Variants in USP9X observed in about 807,000 individuals in gnomAD.
USP9X encodes the protein ubiquitin specific peptidase 9 X-linked, also known as ubiquitin carboxyl-terminal hydrolase 9X.
Under a neutral mutation model 190.3 loss-of-function variants are expected in USP9X, and 7 were observed. The observed-to-expected ratio is 0.04, with a 90% confidence interval of 0.02 to 0.07. The LOEUF (loss-of-function observed/expected upper bound fraction) is 0.07. Ranked by LOEUF, USP9X falls within the 10% of genes least tolerant of loss-of-function variation. USP9X has a pLI of 1.00. For missense variants in USP9X, 1,010 were observed against 1,916.9 expected (o/e 0.53, Z 8.83); for synonymous variants, 645 against 659.5 (o/e 0.98, Z 0.34).
chrX:41,129,735 T>C (rs1345392171), intron 3 of USP9X, among the ~76,000 whole-genome samples: 1 of 111,704 alleles, frequency 9.0e-6, no homozygotes, highest in African/African-American at 3.3e-5. Flanking sequence ...AGGAATCCCA[T>C]GTGACTGTGA....
chrX:41,116,009 G>A (rs2062145725), intron 1 of USP9X, among the ~76,000 whole-genome samples: 1 of 111,880 alleles, frequency 8.9e-6, no homozygotes, highest in Admixed American at 9.5e-5. Flanking sequence ...AAAGTTTAAA[G>A]TAAATGGTTT....
rs761987756 is a variant in USP9X at position 41,201,130 on chromosome X, G to A, written c.4674G>A (p.Gly1558=). The change falls in exon 31 of 45, where the codon GGG becomes GGA. Residue 1558 remains glycine (G), a synonymous_variant. Transcript: ENST00000378308. The part of the protein sequence containing the change: ...VGPRPPKGFV[G]LKNAGATCYM... Reference sequence around the variant, plus strand: ...CCCGCCCACCCAAAGGATTCGTGGGGCTGAAAAATGCCGGTGCTACTTGTT... The same window carrying A: ...CCCGCCCACCCAAAGGATTCGTGGGACTGAAAAATGCCGGTGCTACTTGTT... The A allele has an allele frequency of 8.3e-7, 1 of 1,211,563 alleles. No individual in the cohort carries two copies. Among genetic ancestry groups the A allele is most frequent in the Non-Finnish European group, 1.1e-6 (1 of 895,489 alleles).
chrX:41,100,847 A>G (rs2062028877), intron 1 of USP9X, among the ~76,000 whole-genome samples: 1 of 110,010 alleles, frequency 9.1e-6, no homozygotes, highest in Admixed American at 9.8e-5. Context: ...GGGTTTCACC[A>G]TGTTGGCCAG....
intron 2 of USP9X, among the ~76,000 whole-genome samples, chrX:41,125,684 A>ACACACACACACACACACACACT: frequency 1.1e-4 from 2 of 19,025 alleles, no homozygotes; most frequent in Non-Finnish European, 1.8e-4. Context: ...ACACACACAC[A>ACACACACACACACACACACACT]CTCTCTCTCT....
chrX:41,161,663 A>C (rs1460257087), intron 14 of USP9X, among the ~76,000 whole-genome samples: 2 of 45,006 alleles, frequency 4.4e-5, no homozygotes, highest in Non-Finnish European at 7.6e-5. Context: ...TTTTTTAAAG[A>C]GACAAGGTCT....
chrX:41,094,552 G>A (rs1403649359), intron 1 of USP9X, among the ~76,000 whole-genome samples: 1 of 110,626 alleles, frequency 9.0e-6, no homozygotes, highest in Non-Finnish European at 1.9e-5. Context: ...TGTTATCCTC[G>A]GTGCATTATG....
At chrX:41,208,215 G>C (rs759773334) in intron 32 of USP9X, among the ~76,000 whole-genome samples, 1 of 110,867 alleles carries the variant, frequency 9.0e-6, no homozygotes, top group African/African-American at 3.3e-5. Context: ...AGTAGAGACT[G>C]GGTTTCACCA....
At chrX:41,225,713 G>A (rs1009292195) in intron 41 of USP9X, among the ~76,000 whole-genome samples, 3 of 112,328 alleles carry the variant, frequency 2.7e-5, no homozygotes, top group Non-Finnish European at 5.6e-5. Context: ...CTTGTTGTAT[G>A]TGTGTTTCTA....
intron 30 of USP9X, among the ~76,000 whole-genome samples, chrX:41,200,553 G>GA (rs769318567): frequency 8.9e-6 from 1 of 111,938 alleles, no homozygotes; most frequent in South Asian, 3.7e-4. Context: ...TTACTAGGAA[G>GA]AAACAGAAAG....
At chrX:41,211,352 G>C (rs1015287201) in intron 33 of USP9X, among the ~76,000 whole-genome samples, 6 of 112,310 alleles carry the variant, frequency 5.3e-5, no homozygotes, top group Admixed American at 1.9e-4. Context: ...TTTGCATATA[G>C]CTACAGGTGT....
At chrX:41,132,295 ATTTTTT>A (rs11356870) in intron 4 of USP9X, among the ~76,000 whole-genome samples, 4 of 54,593 alleles carry the variant, frequency 7.3e-5, no homozygotes, top group Admixed American at 2.2e-4. Context: ...ATGCCCACTA[ATTTTTT>A]TTTTTTTTTT....
At chrX:41,115,620 C>G (rs1177216887) in intron 1 of USP9X, among the ~76,000 whole-genome samples, 5 of 112,153 alleles carry the variant, frequency 4.5e-5, no homozygotes, top group African/African-American at 1.6e-4. Flanking sequence ...TATCCCCAGT[C>G]TGTAATGTTC....
At chrX:41,162,669 G>A (rs1409986660) in intron 14 of USP9X, 121 bp from the exon 15 acceptor site, 4 of 462,005 alleles carry the variant, frequency 8.7e-6, no homozygotes, top group Non-Finnish European at 1.4e-5. Flanking sequence ...GTAGAATTTA[G>A]GTTGCCTTTT....
intron 11 of USP9X, among the ~76,000 whole-genome samples, chrX:41,147,294 C>A (rs1239465765): frequency 2.8e-5 from 3 of 108,623 alleles, no homozygotes; most frequent in African/African-American, 1.0e-4. Context: ...TAATTGTAAT[C>A]TGATATTTTA....
Position 41,123,718 on chromosome X carries a change from G to A in USP9X, c.90G>A (p.Gln30=). The A allele has an allele frequency of 8.3e-7, 1 of 1,210,208 alleles. No homozygotes were observed. The highest frequency in any genetic ancestry group is 1.1e-6 in the Non-Finnish European group (1 of 894,382). Residue 30 remains glutamine, a synonymous_variant, in exon 2 of 45, where the codon CAG becomes CAA. Coordinates refer to ENST00000378308, the MANE Select transcript of USP9X (RefSeq NM_001039591.3). ...PDGQSQPPLQ[Q]NQTSSPDSSN... is the part of the protein sequence containing the mutation. Reference sequence around the variant, plus strand: ...GACAGTCTCAGCCCCCCCTCCAACAGAATCAGGTAGGATGTTGAAGATACT... The same window carrying A: ...GACAGTCTCAGCCCCCCCTCCAACAAAATCAGGTAGGATGTTGAAGATACT...
Position 41,234,720 on chromosome X carries a change from C to A in USP9X, c.*2196C>A, listed in dbSNP as rs937995783. On this transcript the variant is annotated 3_prime_UTR_variant, in exon 45 of 45. Coordinates refer to ENST00000378308, the MANE Select transcript of USP9X (RefSeq NM_001039591.3). ...GGATTAGAGGTGCCCACCACCACGC[C>A]CAGCTAATTTTTGTATTTTTGTAGA... 4 of 110,926 alleles carry A rather than the reference C, an allele frequency of 3.6e-5. No homozygotes were observed. The highest frequency in any genetic ancestry group is 1.3e-4 in the African/African-American group (4 of 30,408). The allele number at this position is 110,926 out of a possible 1,213,427, so 9.1% of individuals were successfully genotyped here.
At chrX:41,223,165 C>T in intron 38 of USP9X, 52 bp from the exon 39 acceptor site, 4 of 1,122,160 alleles carry the variant, frequency 3.6e-6, no homozygotes, top group East Asian at 3.1e-5. Context: ...TAATTTTTTC[C>T]TCATATTTTT....
chrX:41,174,079 A>C (rs897954729), intron 21 of USP9X, among the ~76,000 whole-genome samples: 5 of 112,174 alleles, frequency 4.5e-5, no homozygotes, highest in African/African-American at 1.6e-4. Context: ...TTTATAGCCT[A>C]GGAGCAATAG....
Position 41,085,737 on chromosome X carries a change from G to A in USP9X, c.-531G>A. On this transcript the variant is annotated 5_prime_UTR_variant, in exon 1 of 45. Transcript: ENST00000378308. Reference sequence around the variant, plus strand: ...GCGGGGACAGAGGCGGCGACTAGGGGAAGGTGAAGCCGTCGCTGCAGGAGG... The same window carrying A: ...GCGGGGACAGAGGCGGCGACTAGGGAAAGGTGAAGCCGTCGCTGCAGGAGG... The A allele has an allele frequency of 3.3e-6, 1 of 298,950 alleles. No individual in the cohort carries two copies. The highest frequency in any genetic ancestry group is 4.7e-5 in the East Asian group (1 of 21,087). The allele number at this position is 298,950 out of a possible 1,213,427, so 24.6% of individuals were successfully genotyped here. A position where few individuals can be genotyped will look rare whatever the true frequency, so the allele number is the denominator to read the frequency against.
Sources: allele counts gnomAD v4.1 joint callset (sites outside exome capture counted in the v4.1 genomes callset), GRCh38; gene constraint gnomAD v4.1.1; transcripts MANE v1.5; gene names NCBI Gene and HGNC (gene_info 2026-07-23, HGNC 2026-07-21).